Variants in ZNF480 observed in about 807,000 individuals in gnomAD.
The protein encoded by ZNF480 is zinc finger protein 480.
In ZNF480, 15 loss-of-function variants were observed where a neutral mutation model predicts 14.4. The ratio of observed to expected loss-of-function variants is 1.04; its 90% CI spans 0.70 to 1.60. The LOEUF (loss-of-function observed/expected upper bound fraction) is 1.60. Ranked by LOEUF, ZNF480 falls within the 40% of genes most tolerant of loss-of-function variation. The pLI is 0.00. For synonymous variants in ZNF480, 218 were observed against 215.5 expected, an observed-to-expected ratio of 1.01 and a Z score of -0.10; for missense variants, 593 against 629.7, an observed-to-expected ratio of 0.94 and a Z score of 0.62.
intron 4 of ZNF480, among the ~76,000 whole-genome samples, chr19:52,321,169 CT>C (rs1983791552): frequency 2.6e-5 from 4 of 152,024 alleles, no homozygotes; most frequent in Admixed American, 6.6e-5. Flanking sequence ...GAGATCTTTT[CT>C]AATTAGCCTG....
rs1290583340 is a variant in ZNF480, at chr19:52,322,305, T to C, written c.1055T>C (p.Phe352Ser). The change falls in exon 5 of 5, where the codon TTC (phenylalanine) becomes TCC (serine). Residue 352 changes from phenylalanine (F) to serine (S), a missense_variant. Phe to Ser is a radical substitution (Grantham distance 155). Transcript: ENST00000595962. The stretch of plus-strand genomic sequence containing the variant: ...AAATGTGATGAATGTGGCAAGGCCT[T>C]CTATAGGATTGCGCTCCTTGTACGA... The part of the protein sequence containing the change: ...PYKCDECGKA[F>S]YRIALLVRHQ... The C allele has an allele frequency of 1.2e-6, 2 of 1,613,850 alleles. No homozygotes were observed. The highest frequency in any genetic ancestry group is 2.2e-5 in the East Asian group (1 of 44,880).
rs775879637 is a variant in ZNF480 at position 52,322,114 on chromosome 19, A to G, written c.864A>G (p.Glu288=). Residue 288 remains glutamate, a synonymous_variant, in exon 5 of 5, where the codon GAA becomes GAG. Transcript: ENST00000595962. ...QRIHTREKPY[E]CNECGKVFSN... is the part of the protein sequence containing the mutation. Reference sequence around the variant, plus strand: ...TTCATACCAGAGAGAAGCCGTATGAATGTAATGAATGTGGTAAAGTCTTCA... The same window carrying G: ...TTCATACCAGAGAGAAGCCGTATGAGTGTAATGAATGTGGTAAAGTCTTCA... 1.9e-6 allele frequency: 3 copies of G among 1,613,888 alleles called. No individual in the cohort carries two copies. The highest frequency in any genetic ancestry group is 2.5e-6 in the Non-Finnish European group (3 of 1,180,018).
chr19:52,314,509 C>G (rs1289706750), intron 3 of ZNF480, among the ~76,000 whole-genome samples: 1 of 147,856 alleles, frequency 6.8e-6, no homozygotes, highest in Non-Finnish European at 1.5e-5. Context: ...CCAAAAAAAC[C>G]CTTATTGACT....
Position 52,314,162 on chromosome 19 carries a change from A to T in ZNF480, c.82A>T (p.Thr28Ser). The T allele has an allele frequency of 6.4e-7, 1 of 1,569,458 alleles. No individual in the cohort carries two copies. Among genetic ancestry groups the T allele is most frequent in the Non-Finnish European group, 8.7e-7 (1 of 1,151,672 alleles). ...SGMALPQGHL[T>S]FRDVAIEFSQ... ...GTGGTTTTCATTTTAGGGACACTTA[A>T]CATTCAGGGACGTGGCCATAGAATT... is the stretch of plus-strand genomic sequence containing the variant. Residue 28 changes from threonine to serine, a missense_variant, in exon 3 of 5, where the codon ACA (threonine) becomes TCA (serine). Thr to Ser is a moderately conservative substitution (Grantham distance 58). Coordinates refer to ENST00000595962, the MANE Select transcript of ZNF480 (RefSeq NM_144684.4).
chr19:52,322,724 T>G lies in ZNF480; in HGVS notation c.1474T>G (p.Phe492Val), dbSNP rs1439371235. The stretch of plus-strand genomic sequence containing the variant: ...CAAATGTAATGAATGTGGCAAGGTC[T>G]TCAATCGAATTGCACACCTTGCACG... ...PYKCNECGKV[F>V]NRIAHLARHR... The change falls in exon 5 of 5, where the codon TTC becomes GTC. Residue 492 changes from phenylalanine to valine, a missense_variant. Physicochemically the swap from Phe to Val is conservative, Grantham distance 50. Coordinates refer to ENST00000595962, the MANE Select transcript of ZNF480 (RefSeq NM_144684.4). The G allele has an allele frequency of 6.2e-7, 1 of 1,613,818 alleles. No homozygotes were observed. The highest frequency in any genetic ancestry group is 1.7e-5 in the Admixed American group (1 of 59,980).
At chr19:52,301,116 G>A (rs1982671487) in intron 2 of ZNF480, 1 of 152,574 alleles carries the variant, frequency 6.6e-6, no homozygotes, top group African/African-American at 2.4e-5. Context: ...TTTTTGCAAA[G>A]TGACAAAGGC....
chr19:52,314,597 AG>A (rs1400764378), intron 3 of ZNF480, among the ~76,000 whole-genome samples: 1 of 151,194 alleles, frequency 6.6e-6, no homozygotes, highest in Non-Finnish European at 1.5e-5. Flanking sequence ...TGAGGTCAGG[AG>A]TTTGAGACCA....
intron 2 of ZNF480, among the ~76,000 whole-genome samples, chr19:52,308,962 G>C (rs1983133164): frequency 6.6e-6 from 1 of 152,140 alleles, no homozygotes; most frequent in Non-Finnish European, 1.5e-5. Context: ...AAATGTCTAT[G>C]TGACATGTAA....
chr19:52,309,647 A>G (rs114867912), intron 2 of ZNF480, among the ~76,000 whole-genome samples: 6,655 of 152,212 alleles, frequency 0.044, 130 homozygotes, highest in Middle Eastern at 0.082. Context: ...GGATGATGGC[A>G]TGTCATGCCT....
chr19:52,311,091 T>C (rs1355457570), intron 2 of ZNF480, among the ~76,000 whole-genome samples: 1 of 151,788 alleles, frequency 6.6e-6, no homozygotes, highest in Admixed American at 6.6e-5. Context: ...TATTAATAAA[T>C]TTTCTGTCAT....
At chr19:52,306,954 G>A (rs1982962087) in intron 2 of ZNF480, among the ~76,000 whole-genome samples, 1 of 151,216 alleles carries the variant, frequency 6.6e-6, no homozygotes, top group Non-Finnish European at 1.5e-5. Flanking sequence ...GGGTGTAGAC[G>A]GGTAGGGACA....
intron 2 of ZNF480, among the ~76,000 whole-genome samples, chr19:52,310,693 A>G (rs143492709): frequency 6.6e-6 from 1 of 151,896 alleles, no homozygotes; most frequent in African/African-American, 2.4e-5. Context: ...TTAATTATCT[A>G]GTAATTTCTT....
At chr19:52,313,834 C>T (rs757964323) in intron 2 of ZNF480, 89 of 435,950 alleles carry the variant, frequency 2.0e-4, no homozygotes, top group Non-Finnish European at 3.6e-4. Flanking sequence ...CAAAAATTAG[C>T]CAGGTGTGAT....
chr19:52,306,108 C>G (rs1386234835), intron 2 of ZNF480, among the ~76,000 whole-genome samples: 1 of 152,100 alleles, frequency 6.6e-6, no homozygotes, highest in Admixed American at 6.6e-5. Flanking sequence ...CCTCCAATAC[C>G]ATCACAAGCT....
chr19:52,316,713 C>G (rs916104813), intron 4 of ZNF480, among the ~76,000 whole-genome samples: 2 of 152,160 alleles, frequency 1.3e-5, no homozygotes, highest in East Asian at 3.9e-4. Context: ...ACTAATTCCC[C>G]CGACAATTTC....
rs575684524 is a variant in ZNF480 at position 52,324,418 on chromosome 19, C to T, written c.*1560C>T. 2 of 152,230 alleles carry T rather than the reference C, an allele frequency of 1.3e-5. No homozygotes were observed. Among genetic ancestry groups the T allele is most frequent in the South Asian group, 4.1e-4 (2 of 4,830 alleles). The allele number at this position is 152,230 out of a possible 1,614,324, so 9.4% of individuals were successfully genotyped here. A position where few individuals can be genotyped will look rare whatever the true frequency, so the allele number is the denominator to read the frequency against. On this transcript the variant is annotated 3_prime_UTR_variant, in exon 5 of 5. Coordinates refer to ENST00000595962, the MANE Select transcript of ZNF480 (RefSeq NM_144684.4). ...ATCAAACTACCAATGGCATTTTTCACAGAATCAGAAGAAAACATTCTGAAA... is the reference window on the plus strand; with the variant it reads ...ATCAAACTACCAATGGCATTTTTCATAGAATCAGAAGAAAACATTCTGAAA...
intron 2 of ZNF480, among the ~76,000 whole-genome samples, chr19:52,305,413 ATCC>A (rs1336262484): frequency 1.3e-5 from 2 of 152,080 alleles, no homozygotes; most frequent in Non-Finnish European, 2.9e-5. Context: ...GAGCTTCCAA[ATCC>A]TCCTGTTCAT....
rs553487445 is a variant in ZNF480, at chr19:52,322,605, A to G, written c.1355A>G (p.Glu452Gly). Residue 452 changes from glutamate (E) to glycine (G), a missense_variant, in exon 5 of 5, where the codon GAG (glutamate) becomes GGG (glycine). By Grantham distance (98) the Glu-to-Gly change is moderately conservative. Transcript: ENST00000595962. ...LSAHLVIHTG[E>G]KPYKCSECGK... is the part of the protein sequence containing the mutation. The stretch of plus-strand genomic sequence containing the variant: ...GCCCATCTTGTAATCCACACTGGAG[A>G]GAAGCCTTACAAATGTAGTGAATGT... 1.2e-5 allele frequency: 20 copies of G among 1,614,148 alleles called. No homozygotes were observed. In the East Asian group the frequency reaches 3.8e-4, roughly 31 times the overall value.
At chr19:52,316,186 C>CTT (rs905013050) in intron 4 of ZNF480, among the ~76,000 whole-genome samples, 34 of 126,268 alleles carry the variant, frequency 2.7e-4, no homozygotes, top group African/African-American at 7.2e-4. Context: ...CTTTCTCTCT[C>CTT]TCTCTTTCTC....
Sources: allele counts gnomAD v4.1 joint callset (sites outside exome capture counted in the v4.1 genomes callset), GRCh38; gene constraint gnomAD v4.1.1; transcripts MANE v1.5; gene names NCBI Gene and HGNC (gene_info 2026-07-23, HGNC 2026-07-21).